PLD5: variants seen among roughly 807,000 people sequenced by gnomAD.
PLD5 encodes the protein phospholipase D family member 5.
Under a neutral mutation model 61.1 loss-of-function variants are expected in PLD5, and 36 were observed. That is an observed-to-expected ratio of 0.59 (90% CI 0.45 to 0.78). The LOEUF (loss-of-function observed/expected upper bound fraction) is 0.78. PLD5 is among the 30% of genes least tolerant of loss of function. The pLI, the probability that PLD5 is intolerant of heterozygous loss-of-function variation, is 0.00. For synonymous variants in PLD5, 243 were observed against 242.8 expected (o/e 1.00, Z -0.01); for missense variants, 515 against 644.4 (o/e 0.80, Z 2.17).
intron 2 of PLD5, among the ~76,000 whole-genome samples, chr1:242,320,940 C>G (rs958440567): frequency 6.6e-6 from 1 of 152,144 alleles, no homozygotes. Context: ...AGGAAAAATT[C>G]CCTCTCATCA....
intron 5 of PLD5, among the ~76,000 whole-genome samples, chr1:242,194,437 A>G (rs1278866706): frequency 6.6e-6 from 1 of 152,206 alleles, no homozygotes; most frequent in Admixed American, 6.5e-5. Flanking sequence ...CCAGAGGAAA[A>G]GAAGTCACTG....
chr1:242,368,119 ACTTAAG>A (rs1246686635), intron 1 of PLD5, among the ~76,000 whole-genome samples: 6 of 152,118 alleles, frequency 3.9e-5, no homozygotes, highest in African/African-American at 1.4e-4. Context: ...ACAACAAAAC[ACTTAAG>A]CTTATTCAGT....
At chr1:242,464,639 C>A (rs1667219267) in intron 1 of PLD5, among the ~76,000 whole-genome samples, 1 of 152,182 alleles carries the variant, frequency 6.6e-6, no homozygotes, top group South Asian at 2.1e-4. Flanking sequence ...ACCAAGTAAT[C>A]CAGCAATTCC....
At chr1:242,164,100 A>G (rs1574428892) in intron 5 of PLD5, among the ~76,000 whole-genome samples, 1 of 152,060 alleles carries the variant, frequency 6.6e-6, no homozygotes, top group Admixed American at 6.6e-5. Context: ...CGTTATTTTT[A>G]AAGAGGCATT....
chr1:242,364,157 A>C, intron 1 of PLD5, among the ~76,000 whole-genome samples: 1 of 152,038 alleles, frequency 6.6e-6, no homozygotes, highest in East Asian at 1.9e-4. Flanking sequence ...AACATAAAGC[A>C]AAAGCTAACA....
chr1:242,362,878 T>C (rs1661147189), intron 1 of PLD5, among the ~76,000 whole-genome samples: 1 of 152,024 alleles, frequency 6.6e-6, no homozygotes, highest in Non-Finnish European at 1.5e-5. Context: ...AACCTGCAAA[T>C]GTACATCACC....
rs915935560 is a variant in PLD5 at position 242,380,875 on chromosome 1, G to A, written c.190-32633C>T. On this transcript the variant is annotated intron_variant, in intron 1 of 9. Transcript: ENST00000536534. The stretch of plus-strand genomic sequence containing the variant: ...GTCATCTCATGTTAGTCAGAATGGC[G>A]ATTATTAAAAAGTCAAGAAACAACA... Among the ~76,000 whole-genome samples, 3 of 152,056 alleles carry A rather than the reference G, an allele frequency of 2.0e-5. No individual in the cohort carries two copies. In the South Asian group the frequency reaches 6.2e-4, roughly 31 times the overall value.
intron 1 of PLD5, among the ~76,000 whole-genome samples, chr1:242,417,139 G>C (rs1378273395): frequency 6.6e-6 from 1 of 152,208 alleles, no homozygotes; most frequent in East Asian, 1.9e-4. Flanking sequence ...GTAATGATCT[G>C]AAGCAGGTGA....
chr1:242,199,330 C>T (rs1016533760), intron 5 of PLD5, among the ~76,000 whole-genome samples: 1 of 152,118 alleles, frequency 6.6e-6, no homozygotes, highest in African/African-American at 2.4e-5. Flanking sequence ...TCTTGGCTCA[C>T]TGCAATCTCT....
intron 1 of PLD5, among the ~76,000 whole-genome samples, chr1:242,504,883 C>T (rs1190160907): frequency 6.6e-6 from 1 of 152,134 alleles, no homozygotes; most frequent in Non-Finnish European, 1.5e-5. Context: ...GGGCTGAGTG[C>T]AGTGGCTCAC....
intron 4 of PLD5, among the ~76,000 whole-genome samples, chr1:242,221,001 T>C (rs914995943): frequency 3.3e-5 from 5 of 152,200 alleles, no homozygotes; most frequent in African/African-American, 1.2e-4. Context: ...CCTTCCAAAG[T>C]GCTGAGCTTA....
In PLD5 at chr1:242,120,498, C is replaced by T. The variant is rs756390414; in HGVS notation, c.933+3970G>A. On this transcript the variant is annotated intron_variant, in intron 6 of 9. Coordinates refer to ENST00000536534, the MANE Select transcript of PLD5 (RefSeq NM_001372062.1). ...GGTAAATTTTATGGTGTGTAAATTA[C>T]GTCTCTGTAAGGCTGTTAAACTAAT... Among the ~76,000 whole-genome samples the T allele has an allele frequency of 3.9e-4, 59 of 152,070 alleles. 2 individuals are homozygous for T. Among genetic ancestry groups the T allele is most frequent in the African/African-American group, 1.2e-3 (49 of 41,500 alleles).
At chr1:242,458,174 A>G (rs1189253290) in intron 1 of PLD5, among the ~76,000 whole-genome samples, 1 of 152,222 alleles carries the variant, frequency 6.6e-6, no homozygotes, top group Non-Finnish European at 1.5e-5. Flanking sequence ...TTATATTCAC[A>G]CATTCCAATA....
At chr1:242,520,990 A>G (rs1669261623) in intron 1 of PLD5, among the ~76,000 whole-genome samples, 1 of 152,268 alleles carries the variant, frequency 6.6e-6, no homozygotes, top group African/African-American at 2.4e-5. Flanking sequence ...ATTATGAAGC[A>G]GAACAGGAAA....
chr1:242,491,648 A>G (rs1235432834), intron 1 of PLD5, among the ~76,000 whole-genome samples: 102 of 152,192 alleles, frequency 6.7e-4, no homozygotes, highest in Non-Finnish European at 1.5e-4. Flanking sequence ...TTGTGCTCTC[A>G]ACCTTCTCTA....
chr1:242,225,315 G>T (rs1194684556), intron 4 of PLD5, among the ~76,000 whole-genome samples: 3 of 151,622 alleles, frequency 2.0e-5, no homozygotes, highest in Admixed American at 2.0e-4. Context: ...ACCCATGCAT[G>T]CTGTCGTGTG....
intron 1 of PLD5, among the ~76,000 whole-genome samples, chr1:242,499,782 T>TG (rs1325522028): frequency 4.0e-5 from 6 of 149,188 alleles, no homozygotes; most frequent in African/African-American, 1.3e-4. Flanking sequence ...CAGGCAGGAA[T>TG]TTGGCAGGGC....
chr1:242,280,301 CTGGAATAACACTGCGAA>C (rs1674650192), intron 3 of PLD5, among the ~76,000 whole-genome samples: 2 of 152,156 alleles, frequency 1.3e-5, no homozygotes, highest in African/African-American at 4.8e-5. Context: ...GTACATGGAT[CTGGAATAACACTGCGAA>C]TTTGCCTTTT....
At chr1:242,338,748 C>A (rs1255445354) in intron 2 of PLD5, among the ~76,000 whole-genome samples, 4 of 152,082 alleles carry the variant, frequency 2.6e-5, no homozygotes, top group Non-Finnish European at 5.9e-5. Context: ...TGGGGCTAAT[C>A]AAATCCCATA....
Sources: gnomAD v4.1 joint callset for allele counts (sites outside exome capture counted in the v4.1 genomes callset) on GRCh38, gnomAD v4.1.1 for gene constraint, MANE v1.5 for transcripts, NCBI Gene and HGNC (gene_info 2026-07-23, HGNC 2026-07-21) for gene names.